PARD3: variants seen among roughly 807,000 people sequenced by gnomAD.
The protein encoded by PARD3 is par-3 family cell polarity regulator, also known as partitioning defective 3 homolog.
A neutral mutation model predicts 155.4 loss-of-function variants in PARD3; 75 were observed. That is an observed-to-expected ratio of 0.48 (90% confidence interval 0.40 to 0.58). The LOEUF (loss-of-function observed/expected upper bound fraction) is 0.58, where lower values mean the gene tolerates loss of function less well. PARD3 is among the 20% of genes least tolerant of loss of function. PARD3 has a pLI of 0.00. For missense variants in PARD3, 1,642 were observed against 1,721.7 expected, an observed-to-expected ratio of 0.95 and a Z score of 0.82; for synonymous variants, 576 against 610.5, an observed-to-expected ratio of 0.94 and a Z score of 0.83.
At chr10:34,397,983 G>C (rs979501491) in intron 7 of PARD3, among the ~76,000 whole-genome samples, 9 of 152,006 alleles carry the variant, frequency 5.9e-5, no homozygotes, top group Non-Finnish European at 1.0e-4. Context: ...AAATAATATT[G>C]TTTAACTATA....
At chr10:34,782,300 G>A (rs1376536623) in intron 1 of PARD3, among the ~76,000 whole-genome samples, 1 of 152,178 alleles carries the variant, frequency 6.6e-6, no homozygotes, top group Non-Finnish European at 1.5e-5. Flanking sequence ...AGCAGAGGCA[G>A]AATCCAGCCT....
intron 3 of PARD3, among the ~76,000 whole-genome samples, chr10:34,511,523 AAG>A (rs1221275126): frequency 1.3e-5 from 2 of 152,162 alleles, no homozygotes; most frequent in Non-Finnish European, 2.9e-5. Context: ...GTGGAAGGGA[AAG>A]AGAATGAATG....
chr10:34,248,255 T>TA (rs778665270), intron 22 of PARD3, among the ~76,000 whole-genome samples: 34 of 139,414 alleles, frequency 2.4e-4, no homozygotes, highest in African/African-American at 5.5e-4. Flanking sequence ...GTCCATATGG[T>TA]AAAAAAAAAT....
At chr10:34,546,132 CA>C (rs2084028403) in intron 2 of PARD3, among the ~76,000 whole-genome samples, 2 of 152,268 alleles carry the variant, frequency 1.3e-5, no homozygotes, top group South Asian at 4.1e-4. Flanking sequence ...AAATTACCAA[CA>C]TATAGTAACT....
intron 1 of PARD3, among the ~76,000 whole-genome samples, chr10:34,726,438 T>C (rs1435777338): frequency 1.3e-5 from 2 of 152,056 alleles, no homozygotes; most frequent in Non-Finnish European, 2.9e-5. Flanking sequence ...ATACAAAAAT[T>C]AGCCAGGCGT....
intron 2 of PARD3, among the ~76,000 whole-genome samples, chr10:34,669,603 T>TAA (rs536050174): frequency 8.6e-5 from 13 of 150,302 alleles, no homozygotes; most frequent in Admixed American, 4.0e-4. Flanking sequence ...TTAAAAACAT[T>TAA]AAAAAAAAAC....
At chr10:34,170,705 T>A (rs549335417) in intron 22 of PARD3, among the ~76,000 whole-genome samples, 2 of 152,276 alleles carry the variant, frequency 1.3e-5, no homozygotes, top group Admixed American at 1.3e-4. Context: ...ATAAAGGGCA[T>A]GGCATGATTA....
chr10:34,786,829 T>C (rs1841016346), intron 1 of PARD3, among the ~76,000 whole-genome samples: 2 of 152,158 alleles, frequency 1.3e-5, no homozygotes, highest in Admixed American at 6.5e-5. Context: ...CCAATATACA[T>C]ATATAGATTT....
At chr10:34,770,101 T>C (rs572004839) in intron 1 of PARD3, among the ~76,000 whole-genome samples, 1 of 152,302 alleles carries the variant, frequency 6.6e-6, no homozygotes, top group Admixed American at 6.5e-5. Context: ...AGTCATTTCC[T>C]AGCCTTATCT....
chr10:34,535,450 A>T (rs1359505513), intron 2 of PARD3, among the ~76,000 whole-genome samples: 1 of 152,168 alleles, frequency 6.6e-6, no homozygotes, highest in Admixed American at 6.5e-5. Context: ...CAGTAACACA[A>T]ATTAAAACAG....
At chr10:34,726,340 C>G (rs1284157713) in intron 1 of PARD3, among the ~76,000 whole-genome samples, 3 of 152,200 alleles carry the variant, frequency 2.0e-5, no homozygotes, top group African/African-American at 7.2e-5. Context: ...AATCCCAACA[C>G]TTTGGAAGGC....
chr10:34,720,654 G>A (rs781781992), intron 1 of PARD3, among the ~76,000 whole-genome samples: 9 of 151,836 alleles, frequency 5.9e-5, no homozygotes, highest in Admixed American at 1.3e-4. Context: ...AAAATTAGCC[G>A]GGCGTGGTAG....
chr10:34,254,086 T>TA (rs1487857313), intron 22 of PARD3, among the ~76,000 whole-genome samples: 6 of 152,002 alleles, frequency 3.9e-5, no homozygotes, highest in Non-Finnish European at 1.5e-5. Context: ...ACAAACAAAC[T>TA]AAAAAAATTT....
rs1564481341 is a variant in PARD3, at chr10:34,666,782, A to ATC, written c.222+29535_222+29536insGA. Among the ~76,000 whole-genome samples, 349 of 87,842 alleles carry ATC rather than the reference A, an allele frequency of 4.0e-3. 2 individuals are homozygous for ATC. The highest frequency in any genetic ancestry group is 0.02 in the African/African-American group (334 of 16,896). 57.6% of individuals were successfully genotyped at this position (87,842 alleles called of 152,430 possible). The stretch of plus-strand genomic sequence containing the variant: ...ACCTCACCTACCCCTCCCCCTAAAA[A>ATC]AAAAAAAAAAAAAAATATATATATA... On this transcript the variant is annotated intron_variant, in intron 2 of 24. Transcript: ENST00000374788.
intron 1 of PARD3, among the ~76,000 whole-genome samples, chr10:34,772,792 TAAAA>T (rs555582256): frequency 5.5e-5 from 5 of 90,310 alleles, no homozygotes; most frequent in Non-Finnish European, 6.7e-5. Context: ...AGACTCCATC[TAAAA>T]AAAAAAAAAA....
chr10:34,259,845 A>T (rs989482125), intron 22 of PARD3, among the ~76,000 whole-genome samples: 61 of 152,288 alleles, frequency 4.0e-4, no homozygotes, highest in Middle Eastern at 3.4e-3. Context: ...AATCTCATTT[A>T]TCGCCCAGGT....
intron 1 of PARD3, among the ~76,000 whole-genome samples, chr10:34,725,307 T>G (rs886607095): frequency 6.6e-6 from 1 of 151,986 alleles, no homozygotes; most frequent in Non-Finnish European, 1.5e-5. Flanking sequence ...TGCCTGCCAC[T>G]ACGCCTGGCT....
At chr10:34,771,120 G>C (rs79923002) in intron 1 of PARD3, among the ~76,000 whole-genome samples, 2,523 of 152,304 alleles carry the variant, frequency 0.017, 38 homozygotes, top group Middle Eastern at 0.048. Context: ...TGCAAGCCCT[G>C]TGATTTTCAT....
At chr10:34,588,176 CAAAGTT>C (rs2088283908) in intron 2 of PARD3, among the ~76,000 whole-genome samples, 1 of 152,144 alleles carries the variant, frequency 6.6e-6, no homozygotes, top group Non-Finnish European at 1.5e-5. Flanking sequence ...CAGTAGCCAA[CAAAGTT>C]AGAGTCATGA....
Sources: gnomAD v4.1 joint callset for allele counts (sites outside exome capture counted in the v4.1 genomes callset) on GRCh38, gnomAD v4.1.1 for gene constraint, MANE v1.5 for transcripts, NCBI Gene and HGNC (gene_info 2026-07-23, HGNC 2026-07-21) for gene names.